Variants in AOPEP observed in about 807,000 individuals in gnomAD.
AOPEP encodes aminopeptidase O (putative).
AOPEP carries 77 observed loss-of-function variants against 98.1 expected under a neutral mutation model. That is an observed-to-expected ratio of 0.78 (90% CI 0.65 to 0.95). AOPEP has a LOEUF of 0.95. AOPEP is among the 40% of genes least tolerant of loss of function. AOPEP has a pLI of 0.00. For synonymous variants in AOPEP, 346 were observed against 365.3 expected, an observed-to-expected ratio of 0.95 and a Z score of 0.60; for missense variants, 1,024 against 1,024.7, an observed-to-expected ratio of 1.00 and a Z score of 0.01.
the AOPEP span, among the ~76,000 whole-genome samples, chr9:95,117,837 CCT>C: frequency 1.3e-5 from 2 of 151,972 alleles, no homozygotes; most frequent in South Asian, 2.1e-4. Context: ...GATTCTCCTC[CCT>C]GTCTCCCAAG....
intron 16 of AOPEP, chr9:95,085,322 T>C (rs771890706): frequency 1.0e-5 from 5 of 482,268 alleles, no homozygotes; most frequent in Non-Finnish European, 2.2e-5. Flanking sequence ...CCAGAAACCG[T>C]GGTCGCGCTC....
At chr9:94,860,086 C>T (rs2044739527) in intron 5 of AOPEP, among the ~76,000 whole-genome samples, 1 of 152,152 alleles carries the variant, frequency 6.6e-6, no homozygotes, top group South Asian at 2.1e-4. Context: ...GGAAACACTC[C>T]TGGCAGGGCC....
At chr9:95,018,066 G>A (rs1213932661) in intron 13 of AOPEP, among the ~76,000 whole-genome samples, 1 of 152,114 alleles carries the variant, frequency 6.6e-6, no homozygotes, top group Non-Finnish European at 1.5e-5. Flanking sequence ...GCAGTTTTTG[G>A]CTATTATGAA....
At chr9:95,045,021 A>T (rs924639062) in intron 13 of AOPEP, among the ~76,000 whole-genome samples, 7 of 152,270 alleles carry the variant, frequency 4.6e-5, no homozygotes, top group African/African-American at 1.7e-4. Flanking sequence ...ATGCTCAGAA[A>T]CAGGGGTCTT....
intron 13 of AOPEP, among the ~76,000 whole-genome samples, chr9:95,032,103 G>A (rs1048326632): frequency 1.3e-5 from 2 of 152,186 alleles, no homozygotes; most frequent in Non-Finnish European, 2.9e-5. Flanking sequence ...ACTAACTGGG[G>A]GGCCCTGAAA....
At chr9:94,966,212 A>G (rs1473826401) in intron 9 of AOPEP, among the ~76,000 whole-genome samples, 2 of 150,408 alleles carry the variant, frequency 1.3e-5, no homozygotes, top group Non-Finnish European at 2.9e-5. Context: ...TTCTATTGGG[A>G]TGCTTCGGTC....
intron 7 of AOPEP, among the ~76,000 whole-genome samples, chr9:94,936,860 C>A (rs2056350034): frequency 6.6e-6 from 1 of 152,192 alleles, no homozygotes; most frequent in African/African-American, 2.4e-5. Flanking sequence ...CTCAGGGAAA[C>A]ACTCACATTT....
At chr9:95,136,564 G>A in the AOPEP span, among the ~76,000 whole-genome samples, 2 of 151,892 alleles carry the variant, frequency 1.3e-5, no homozygotes, top group Admixed American at 6.5e-5. Flanking sequence ...AAAGTTCCCT[G>A]TAACCTCAAA....
intron 11 of AOPEP, among the ~76,000 whole-genome samples, chr9:94,984,962 AG>A (rs2132224740): frequency 6.6e-6 from 1 of 152,378 alleles, no homozygotes; most frequent in South Asian, 2.1e-4. Context: ...AGACATTCAG[AG>A]GGCATGAACT....
chr9:94,767,536 T>G (rs1360972726), intron 2 of AOPEP, among the ~76,000 whole-genome samples: 2 of 152,236 alleles, frequency 1.3e-5, no homozygotes, highest in Non-Finnish European at 2.9e-5. Context: ...GGTAACTAGC[T>G]GTGTGACTTC....
At chr9:94,961,013 CAA>C (rs71496990) in intron 9 of AOPEP, among the ~76,000 whole-genome samples, 9 of 118,670 alleles carry the variant, frequency 7.6e-5, no homozygotes, top group Admixed American at 9.0e-5. Context: ...GAATCTGTCT[CAA>C]AAAAAAAAAA....
intron 11 of AOPEP, among the ~76,000 whole-genome samples, chr9:94,994,764 C>T (rs1054856621): frequency 1.3e-5 from 2 of 152,104 alleles, no homozygotes; most frequent in African/African-American, 4.8e-5. Flanking sequence ...ACAGCCTGAC[C>T]AACATGGTGA....
chr9:94,906,010 A>G (rs1439776803), intron 5 of AOPEP, among the ~76,000 whole-genome samples: 2 of 152,240 alleles, frequency 1.3e-5, no homozygotes, highest in Non-Finnish European at 2.9e-5. Flanking sequence ...AGACAGGGAA[A>G]GAAACGAATA....
chr9:95,107,314 A>G, the AOPEP span: 3 of 1,580,156 alleles, frequency 1.9e-6, no homozygotes, highest in Middle Eastern at 4.1e-4. Flanking sequence ...AAGAGGCAGG[A>G]CAGACATACT....
chr9:95,110,630 A>C, the AOPEP span: 1 of 1,042,740 alleles, frequency 9.6e-7, no homozygotes, highest in Non-Finnish European at 1.2e-6. Flanking sequence ...CAAAATACGC[A>C]GACATCTTTA....
chr9:95,007,822 T>G (rs1381165950), intron 13 of AOPEP, among the ~76,000 whole-genome samples: 1 of 152,200 alleles, frequency 6.6e-6, no homozygotes, highest in African/African-American at 2.4e-5. Flanking sequence ...TTCCCCCTAT[T>G]CTGAAATAGA....
chr9:94,814,257 T>G (rs576370446), intron 5 of AOPEP, among the ~76,000 whole-genome samples: 8 of 152,220 alleles, frequency 5.3e-5, no homozygotes, highest in Non-Finnish European at 8.8e-5. Context: ...CTGCAAAATC[T>G]TGCTGTACTC....
chr9:94,816,144 T>C (rs559137602), intron 5 of AOPEP, among the ~76,000 whole-genome samples: 2 of 152,284 alleles, frequency 1.3e-5, no homozygotes, highest in Admixed American at 1.3e-4. Flanking sequence ...TTTTATTCTC[T>C]CCACTAACCA....
intron 13 of AOPEP, among the ~76,000 whole-genome samples, chr9:95,020,631 T>C (rs2063368280): frequency 6.7e-6 from 1 of 149,598 alleles, no homozygotes; most frequent in South Asian, 2.1e-4. Context: ...AAAAAAGAAA[T>C]ATAGGGCCAG....
Sources: gnomAD v4.1 joint callset for allele counts (sites outside exome capture counted in the v4.1 genomes callset) on GRCh38, gnomAD v4.1.1 for gene constraint, MANE v1.5 for transcripts, NCBI Gene and HGNC (gene_info 2026-07-23, HGNC 2026-07-21) for gene names.